The following SLC4A10 variants were observed in gnomAD, a reference collection of about 807,000 sequenced individuals.
SLC4A10 encodes the protein solute carrier family 4 member 10.
Under a neutral mutation model 137.7 loss-of-function variants are expected in SLC4A10, and 42 were observed. The observed-to-expected ratio is 0.30, with a 90% CI of 0.24 to 0.39. SLC4A10 has a LOEUF of 0.39. Among genes scored for constraint, SLC4A10 ranks in the 10% least tolerant of loss-of-function variants. The pLI is 1.00. For missense variants in SLC4A10, 925 were observed against 1,355.0 expected, an observed-to-expected ratio of 0.68 and a Z score of 4.98; for synonymous variants, 474 against 464.1, an observed-to-expected ratio of 1.02 and a Z score of -0.27.
chr2:161,898,878 G>A (rs993073675), intron 11 of SLC4A10, among the ~76,000 whole-genome samples: 6 of 152,070 alleles, frequency 3.9e-5, no homozygotes, highest in Non-Finnish European at 7.4e-5. Context: ...AGCCCTTTGT[G>A]TTGCAGGTTC....
At chr2:161,650,054 A>G (rs1317797191) in intron 1 of SLC4A10, among the ~76,000 whole-genome samples, 1 of 152,222 alleles carries the variant, frequency 6.6e-6, no homozygotes, top group Non-Finnish European at 1.5e-5. Flanking sequence ...ATATTTCACC[A>G]GTTTACCCAC....
intron 7 of SLC4A10, among the ~76,000 whole-genome samples, chr2:161,873,556 A>C (rs1280489989): frequency 2.0e-5 from 3 of 149,692 alleles, no homozygotes; most frequent in Non-Finnish European, 3.0e-5. Flanking sequence ...AAAAAAAAAA[A>C]GACAATGCAA....
At chr2:161,906,198 A>G (rs917551274) in intron 15 of SLC4A10, among the ~76,000 whole-genome samples, 6 of 152,238 alleles carry the variant, frequency 3.9e-5, no homozygotes, top group Non-Finnish European at 8.8e-5. Context: ...TTAGCGAAAT[A>G]TATGTTATTT....
At chr2:161,961,830 T>C (rs1696781504) in intron 21 of SLC4A10, among the ~76,000 whole-genome samples, 1 of 152,152 alleles carries the variant, frequency 6.6e-6, no homozygotes, top group Admixed American at 6.5e-5. Flanking sequence ...CAAAAGCCCA[T>C]GAGTTAAATA....
intron 25 of SLC4A10, 93 bp from the exon 26 acceptor site, chr2:161,977,629 G>A: frequency 9.7e-7 from 1 of 1,030,924 alleles, no homozygotes; most frequent in Non-Finnish European, 1.4e-6. Context: ...AGGGAATTGG[G>A]ACAGTGTTTA....
intron 1 of SLC4A10, among the ~76,000 whole-genome samples, chr2:161,672,510 A>AT (rs60944897): frequency 1.4e-5 from 2 of 147,252 alleles, no homozygotes; most frequent in African/African-American, 2.5e-5. Flanking sequence ...TCTAAAAAAA[A>AT]TTTTTTTTTT....
chr2:161,808,125 G>A (rs75926333), intron 3 of SLC4A10, among the ~76,000 whole-genome samples: 9,543 of 151,788 alleles, frequency 0.063, 394 homozygotes, highest in Non-Finnish European at 0.095. Context: ...GCTTTTCTTG[G>A]TTGATATTTA....
chr2:161,848,649 A>T (rs2059638966), intron 4 of SLC4A10, among the ~76,000 whole-genome samples: 2 of 151,928 alleles, frequency 1.3e-5, no homozygotes. Flanking sequence ...TCCTTTCCTC[A>T]TTGCTTATTT....
At chr2:161,745,126 A>G (rs910228398) in intron 1 of SLC4A10, among the ~76,000 whole-genome samples, 3 of 152,080 alleles carry the variant, frequency 2.0e-5, no homozygotes, top group Admixed American at 6.6e-5. Flanking sequence ...CTCTGTTATC[A>G]TCTCTTTGAA....
At chr2:161,710,146 C>G (rs1285070876) in intron 1 of SLC4A10, among the ~76,000 whole-genome samples, 1 of 151,668 alleles carries the variant, frequency 6.6e-6, no homozygotes, top group Non-Finnish European at 1.5e-5. Flanking sequence ...ATTCAGGCTA[C>G]TTAGCCAGCT....
intron 1 of SLC4A10, among the ~76,000 whole-genome samples, chr2:161,768,621 AC>A (rs1055608727): frequency 2.6e-5 from 4 of 152,060 alleles, no homozygotes; most frequent in African/African-American, 4.8e-5. Context: ...CTAGAACCTG[AC>A]CTTTTTTCTT....
At chr2:161,791,388 T>C (rs1049374177) in intron 2 of SLC4A10, among the ~76,000 whole-genome samples, 1 of 152,158 alleles carries the variant, frequency 6.6e-6, no homozygotes, top group Non-Finnish European at 1.5e-5. Context: ...ATACCACATA[T>C]TCTCACTTAT....
chr2:161,873,595 A>C (rs1475486518), intron 7 of SLC4A10, among the ~76,000 whole-genome samples: 1 of 151,842 alleles, frequency 6.6e-6, no homozygotes, highest in African/African-American at 2.4e-5. Flanking sequence ...ACTTGGTGAA[A>C]ATACGGCAGG....
intron 23 of SLC4A10, among the ~76,000 whole-genome samples, chr2:161,967,179 C>A (rs2105927119): frequency 6.6e-6 from 1 of 152,280 alleles, no homozygotes; most frequent in African/African-American, 2.4e-5. Context: ...TCTCTGGACA[C>A]TTCGGTTTCC....
chr2:161,868,479 A>C (rs996192557), intron 6 of SLC4A10, among the ~76,000 whole-genome samples: 1 of 151,728 alleles, frequency 6.6e-6, no homozygotes, highest in Non-Finnish European at 1.5e-5. Context: ...TATCTATTAT[A>C]ATTTGCCCTA....
At position 161,711,759 on chromosome 2, in the gene SLC4A10, C is replaced by A. The variant is rs563224941; in HGVS notation, c.49-59214C>A. On this transcript the variant is annotated intron_variant, in intron 1 of 26. Transcript: ENST00000446997. ...GTGCAATGGTTCAGTGTCTGGACTG[C>A]CATGTTCTCTGGGTTCAAATCTTAG... 1.9e-4 allele frequency among the ~76,000 whole-genome samples: 29 copies of A among 151,896 alleles called. 1 individual carries two copies. In the East Asian group the frequency reaches 4.3e-3, roughly 22 times the overall value.
chr2:161,983,336 C>T lies in SLC4A10; in HGVS notation c.*184C>T. On this transcript the variant is annotated 3_prime_UTR_variant, in exon 27 of 27. Coordinates refer to ENST00000446997, the MANE Select transcript of SLC4A10 (RefSeq NM_001178015.2). ...TTGATCATGTATTGTAAATTCTGTC[C>T]CTCAACCCAAATCCACCTTCATACT... 8.2e-7 allele frequency: 1 copy of T among 1,213,920 alleles called. No individual in the cohort carries two copies. The highest frequency in any genetic ancestry group is 1.2e-6 in the Non-Finnish European group (1 of 868,924). 75.2% of individuals were successfully genotyped at this position (1,213,920 alleles called of 1,614,324 possible).
At chr2:161,752,035 TA>T (rs2049037187) in intron 1 of SLC4A10, among the ~76,000 whole-genome samples, 1 of 151,982 alleles carries the variant, frequency 6.6e-6, no homozygotes, top group African/African-American at 2.4e-5. Context: ...GCTCACCCAT[TA>T]AAGTGGAAAC....
At chr2:161,831,684 T>A (rs1027207671) in intron 3 of SLC4A10, among the ~76,000 whole-genome samples, 4 of 152,108 alleles carry the variant, frequency 2.6e-5, no homozygotes, top group Non-Finnish European at 5.9e-5. Flanking sequence ...AAAAAGGAAA[T>A]AATGAAAGCA....
Sources: gnomAD v4.1 joint callset for allele counts (sites outside exome capture counted in the v4.1 genomes callset) on GRCh38, gnomAD v4.1.1 for gene constraint, MANE v1.5 for transcripts, NCBI Gene and HGNC (gene_info 2026-07-23, HGNC 2026-07-21) for gene names.